Variants in CHN2 observed in about 807,000 individuals in gnomAD.
CHN2 encodes beta-chimaerin.
In CHN2, 35 loss-of-function variants were observed where a neutral mutation model predicts 56.3. That is an observed-to-expected ratio of 0.62 (90% CI 0.47 to 0.82). CHN2 has a LOEUF of 0.82. Ranked by LOEUF, CHN2 falls within the 40% of genes least tolerant of loss-of-function variation. The pLI is 0.00. For synonymous variants in CHN2, 210 were observed against 212.8 expected (o/e 0.99, Z 0.12); for missense variants, 491 against 580.5 (o/e 0.85, Z 1.58).
At chr7:29,311,699 C>T (rs1312761940) in intron 1 of CHN2, among the ~76,000 whole-genome samples, 1 of 152,224 alleles carries the variant, frequency 6.6e-6, no homozygotes, top group Non-Finnish European at 1.5e-5. Context: ...GAGGGGGGAT[C>T]ATGTGTTAAA....
rs111842288 is a variant in CHN2, at chr7:29,504,115, T to C, written c.914-629T>C. Among the ~76,000 whole-genome samples, 445 of 152,334 alleles carry C rather than the reference T, an allele frequency of 2.9e-3. 6 individuals are homozygous for C. Among genetic ancestry groups the C allele is most frequent in the African/African-American group, 0.01 (418 of 41,590 alleles). On this transcript the variant is annotated intron_variant, in intron 9 of 12. Coordinates refer to ENST00000222792, the MANE Select transcript of CHN2 (RefSeq NM_004067.4). Reference sequence around the variant, plus strand: ...TAATTAAACAGTTAACATAGTCTTATTTACAAGTAAACATGAAAGGCTGTA... The same window carrying C: ...TAATTAAACAGTTAACATAGTCTTACTTACAAGTAAACATGAAAGGCTGTA...
At chr7:29,404,854 C>T (rs972730104) in intron 6 of CHN2, among the ~76,000 whole-genome samples, 14 of 152,042 alleles carry the variant, frequency 9.2e-5, no homozygotes, top group African/African-American at 2.7e-4. Flanking sequence ...TACGAGCCAC[C>T]GCATCCAGCC....
intron 6 of CHN2, among the ~76,000 whole-genome samples, chr7:29,455,381 G>A (rs1368005982): frequency 1.3e-5 from 2 of 152,142 alleles, no homozygotes; most frequent in African/African-American, 4.8e-5. Context: ...GCTAGATGAG[G>A]CCTGAGAGAT....
intron 1 of CHN2, among the ~76,000 whole-genome samples, chr7:29,350,704 G>A (rs1049873086): frequency 1.3e-5 from 2 of 152,200 alleles, no homozygotes; most frequent in Admixed American, 6.5e-5. Context: ...GGATCAGGGC[G>A]AGGTGATGTA....
chr7:29,213,141 A>C, intron 1 of CHN2: 1 of 1,538,064 alleles, frequency 6.5e-7, no homozygotes, highest in Middle Eastern at 2.3e-4. Flanking sequence ...GCAAATGACT[A>C]GGTATTTTAG....
intron 1 of CHN2, among the ~76,000 whole-genome samples, chr7:29,200,943 C>T (rs1360238324): frequency 6.6e-6 from 1 of 152,080 alleles, no homozygotes; most frequent in Non-Finnish European, 1.5e-5. Context: ...CTGGGAGGGC[C>T]AGCCACTAGC....
chr7:29,271,519 T>G (rs3793308), intron 1 of CHN2, among the ~76,000 whole-genome samples: 64,856 of 151,966 alleles, frequency 0.43, 16,031 homozygotes, highest in African/African-American at 0.69. Flanking sequence ...GGTGAATCCT[T>G]CCTGGGAACC....
At chr7:29,195,625 A>G (rs1345203690) in intron 1 of CHN2, among the ~76,000 whole-genome samples, 1 of 116,056 alleles carries the variant, frequency 8.6e-6, no homozygotes, top group Admixed American at 9.4e-5. Context: ...AGAGAGAGAG[A>G]GAGAGTGTGT....
intron 1 of CHN2, among the ~76,000 whole-genome samples, chr7:29,272,888 C>T (rs1021607911): frequency 6.6e-6 from 1 of 152,116 alleles, no homozygotes; most frequent in African/African-American, 2.4e-5. Flanking sequence ...AGCAAATTAA[C>T]ATACCTAGCA....
intron 6 of CHN2, among the ~76,000 whole-genome samples, chr7:29,425,710 T>A (rs1020711085): frequency 6.6e-6 from 1 of 152,170 alleles, no homozygotes; most frequent in African/African-American, 2.4e-5. Flanking sequence ...ATGATTTTTT[T>A]AAGGGAAGAT....
At chr7:29,304,823 T>A (rs774495136) in intron 1 of CHN2, among the ~76,000 whole-genome samples, 1 of 152,160 alleles carries the variant, frequency 6.6e-6, no homozygotes, top group Non-Finnish European at 1.5e-5. Context: ...ACCTCTTGAA[T>A]GGTTTAAATA....
chr7:29,443,803 C>T (rs1251314880), intron 6 of CHN2, among the ~76,000 whole-genome samples: 2 of 152,108 alleles, frequency 1.3e-5, no homozygotes, highest in Non-Finnish European at 2.9e-5. Flanking sequence ...AAAGGCTCTC[C>T]CTGCTCCCAC....
intron 6 of CHN2, among the ~76,000 whole-genome samples, chr7:29,443,205 G>T (rs1783793216): frequency 6.6e-6 from 1 of 152,046 alleles, no homozygotes; most frequent in South Asian, 2.1e-4. Flanking sequence ...CTCCCAAAGT[G>T]CTGGGATTAC....
intron 1 of CHN2, among the ~76,000 whole-genome samples, chr7:29,264,942 T>A: frequency 6.6e-6 from 1 of 151,680 alleles, no homozygotes; most frequent in East Asian, 1.9e-4. Context: ...CTGTTATTTC[T>A]TAGCAAAAAT....
Position 29,329,061 on chromosome 7 carries a change from A to G in CHN2, c.50-25564A>G, listed in dbSNP as rs940491654. On this transcript the variant is annotated intron_variant, in intron 1 of 12. Transcript: ENST00000222792. Reference sequence around the variant, plus strand: ...ATGGAATCCTTTTAGCAGTTTCACAACTGTCTGGGGTTATTCATTGCAGAC... The same window carrying G: ...ATGGAATCCTTTTAGCAGTTTCACAGCTGTCTGGGGTTATTCATTGCAGAC... Among the ~76,000 whole-genome samples the G allele has an allele frequency of 5.3e-5, 8 of 152,106 alleles. No individual in the cohort carries two copies. The South Asian group carries it at 1.2e-3, about 24-fold the overall frequency.
chr7:29,500,746 A>G (rs1310902340), intron 9 of CHN2, among the ~76,000 whole-genome samples: 2 of 152,252 alleles, frequency 1.3e-5, no homozygotes, highest in African/African-American at 4.8e-5. Context: ...AGTAACACAT[A>G]CATCTCCTAC....
At chr7:29,158,522 CTTTATGTGATAATATTGATACTT>C (rs1018951100) in intron 2 of CHN2, among the ~76,000 whole-genome samples, 10 of 36,776 alleles carry the variant, frequency 2.7e-4, no homozygotes, top group Non-Finnish European at 5.6e-4. Flanking sequence ...GTAGCCTAGT[CTTTATGTGATAATATTGATACTT>C]AAGTTTACCA....
intron 2 of CHN2, among the ~76,000 whole-genome samples, chr7:29,355,752 C>T (rs1798252525): frequency 6.8e-6 from 1 of 147,838 alleles, no homozygotes; most frequent in Admixed American, 6.8e-5. Context: ...ATTCTTACCA[C>T]AACTCTCACA....
At chr7:29,339,739 G>T (rs1344072279) in intron 1 of CHN2, among the ~76,000 whole-genome samples, 1 of 151,974 alleles carries the variant, frequency 6.6e-6, no homozygotes. Flanking sequence ...TGCAATCCCA[G>T]CTACTTGGGA....
Sources: allele counts gnomAD v4.1 joint callset (sites outside exome capture counted in the v4.1 genomes callset), GRCh38; gene constraint gnomAD v4.1.1; transcripts MANE v1.5; gene names NCBI Gene and HGNC (gene_info 2026-07-23, HGNC 2026-07-21).